METTL8: variants seen among roughly 807,000 people sequenced by gnomAD.
METTL8 encodes methyltransferase 8, tRNA N3-cytidine, also known as tRNA N(3)-cytidine methyltransferase METTL8, mitochondrial.
A neutral mutation model predicts 48.7 loss-of-function variants in METTL8; 32 were observed. The observed-to-expected ratio is 0.66, with a 90% CI of 0.50 to 0.88. The LOEUF is 0.88. Among genes scored for constraint, METTL8 ranks in the 40% least tolerant of loss-of-function variants. The pLI, the probability that METTL8 is intolerant of heterozygous loss-of-function variation, is 0.00. For synonymous variants in METTL8, 136 were observed against 157.1 expected (o/e 0.87, Z 1.01); for missense variants, 464 against 474.4 (o/e 0.98, Z 0.20).
intron 3 of METTL8, among the ~76,000 whole-genome samples, chr2:171,340,797 A>G (rs757887189): frequency 1.3e-5 from 2 of 152,144 alleles, no homozygotes; most frequent in Non-Finnish European, 2.9e-5. Flanking sequence ...CAGTGAATCC[A>G]TGGCCATGTC....
At chr2:171,396,292 T>A (rs576404631) in intron 1 of METTL8, among the ~76,000 whole-genome samples, 9 of 151,878 alleles carry the variant, frequency 5.9e-5, no homozygotes, top group African/African-American at 2.2e-4. Flanking sequence ...AATAAATAAA[T>A]AAAAATAAAT....
chr2:171,369,290 A>G (rs1171705576), intron 2 of METTL8, among the ~76,000 whole-genome samples: 1 of 152,204 alleles, frequency 6.6e-6, no homozygotes, highest in Non-Finnish European at 1.5e-5. Flanking sequence ...TGGGCAAGAG[A>G]GCGAGACTCT....
chr2:171,345,864 A>C lies in METTL8; in HGVS notation c.236-6310T>G, dbSNP rs147004916. Among the ~76,000 whole-genome samples, 954 of 152,306 alleles carry C rather than the reference A, an allele frequency of 6.3e-3. 6 individuals are homozygous for C. Among genetic ancestry groups the C allele is most frequent in the African/African-American group, 0.02 (851 of 41,566 alleles). ...TAAAATATAATTATGTTAACTCAAA[A>C]ATTGCCAAATGTATCTTTCATTTCT... is the stretch of plus-strand genomic sequence containing the variant. On this transcript the variant is annotated intron_variant, in intron 3 of 9. Transcript: ENST00000375258.
chr2:171,401,724 T>C (rs112950360), intron 1 of METTL8, among the ~76,000 whole-genome samples: 66 of 152,304 alleles, frequency 4.3e-4, no homozygotes, highest in African/African-American at 1.6e-3. Context: ...CAGAATGAAA[T>C]TGGTTTTAAC....
At chr2:171,409,841 T>C (rs569534623) in intron 1 of METTL8, among the ~76,000 whole-genome samples, 1 of 152,210 alleles carries the variant, frequency 6.6e-6, no homozygotes, top group South Asian at 2.1e-4. Flanking sequence ...GTGCACCAAC[T>C]ATGGTGTGGG....
chr2:171,363,792 T>TTATATATATATATATATATGTGTATA (rs1685406003), intron 2 of METTL8, among the ~76,000 whole-genome samples: 1 of 97,436 alleles, frequency 1.0e-5, no homozygotes, highest in African/African-American at 4.1e-5. Context: ...TCCCCAAATT[T>TTATATATATATATATATATGTGTATA]TATATATATA....
chr2:171,340,226 G>C (rs1160055943), intron 3 of METTL8, among the ~76,000 whole-genome samples: 1 of 150,104 alleles, frequency 6.7e-6, no homozygotes, highest in East Asian at 2.0e-4. Flanking sequence ...ATGAGGGCTG[G>C]GCACGGTGGC....
intron 1 of METTL8, among the ~76,000 whole-genome samples, chr2:171,417,000 T>G (rs903268971): frequency 6.6e-6 from 1 of 152,244 alleles, no homozygotes; most frequent in Non-Finnish European, 1.5e-5. Context: ...TGCTGAACCC[T>G]ACATCTGAGG....
chr2:171,358,730 C>A (rs894940899), intron 3 of METTL8, among the ~76,000 whole-genome samples: 8 of 152,130 alleles, frequency 5.3e-5, no homozygotes, highest in African/African-American at 1.9e-4. Context: ...GGGGGAAATG[C>A]TCCAGGACAT....
At chr2:171,391,892 T>C (rs1191013859) in intron 2 of METTL8, 151 bp downstream of exon 2, 1 of 690,716 alleles carries the variant, frequency 1.4e-6, no homozygotes, top group Non-Finnish European at 2.3e-6. Flanking sequence ...CAGCAACACT[T>C]AAGTCAGGAT....
At chr2:171,334,106 C>A (rs544464982) in intron 5 of METTL8, among the ~76,000 whole-genome samples, 1 of 138,982 alleles carries the variant, frequency 7.2e-6, no homozygotes, top group Non-Finnish European at 1.6e-5. Flanking sequence ...CAAAACAAAA[C>A]AAAAACCAAA....
chr2:171,397,574 A>AAG (rs887919554), intron 1 of METTL8, among the ~76,000 whole-genome samples: 9 of 148,258 alleles, frequency 6.1e-5, no homozygotes, highest in South Asian at 4.2e-4. Flanking sequence ...AAAAAAAAAA[A>AAG]AGAGAGAGAG....
chr2:171,380,825 A>G (rs1687449659), intron 2 of METTL8, among the ~76,000 whole-genome samples: 1 of 152,254 alleles, frequency 6.6e-6, no homozygotes, highest in African/African-American at 2.4e-5. Context: ...CATACTGCCC[A>G]AAGTAATTTA....
Position 171,394,476 on chromosome 2 carries a change from G to T in METTL8, c.-12-2279C>A, listed in dbSNP as rs897621095. ...GAGACAAAAAGATACAACCAGATTG[G>T]ATTATTAGGCAATTCAGGAAAATGT... On this transcript the variant is annotated intron_variant, in intron 1 of 9. Coordinates refer to ENST00000375258, the MANE Select transcript of METTL8 (RefSeq NM_001321154.2). 2.0e-5 allele frequency among the ~76,000 whole-genome samples: 3 copies of T among 152,250 alleles called. No individual in the cohort carries two copies. In the East Asian group the frequency reaches 5.8e-4, roughly 29 times the overall value.
rs760443907 is a variant in METTL8, at chr2:171,324,108, T to C, written c.*64A>G. ...TTTCTCATTGTCTTTTGAGAAACAA[T>C]AGACTTACAGTAGTCCTTGAATAGC... is the stretch of plus-strand genomic sequence containing the variant. On this transcript the variant is annotated 3_prime_UTR_variant, in exon 10 of 10. Transcript: ENST00000375258. The C allele has an allele frequency of 8.1e-5, 94 of 1,160,234 alleles. No homozygotes were observed. Among genetic ancestry groups the C allele is most frequent in the Non-Finnish European group, 1.1e-4 (91 of 836,978 alleles). The allele number at this position is 1,160,234 out of a possible 1,614,324, so 71.9% of individuals were successfully genotyped here. A position where few individuals can be genotyped will look rare whatever the true frequency, so the allele number is the denominator to read the frequency against.
chr2:171,316,992 C>T lies in METTL8; in HGVS notation c.*7180G>A, dbSNP rs1425274657. ...TTTAGCAGGACTGCCTCAGGAGGAACACAAGTTGCTCTCAGGAGGCAGAAG... is the reference window on the plus strand; with the variant it reads ...TTTAGCAGGACTGCCTCAGGAGGAATACAAGTTGCTCTCAGGAGGCAGAAG... On this transcript the variant is annotated 3_prime_UTR_variant, in exon 10 of 10. Coordinates refer to ENST00000375258, the MANE Select transcript of METTL8 (RefSeq NM_001321154.2). Among the ~76,000 whole-genome samples, 1 of 152,162 alleles carries T rather than the reference C, an allele frequency of 6.6e-6. No homozygotes were observed. The highest frequency in any genetic ancestry group is 1.5e-5 in the Non-Finnish European group (1 of 68,030).
At chr2:171,333,937 G>A (rs548173482) in intron 5 of METTL8, among the ~76,000 whole-genome samples, 3 of 152,198 alleles carry the variant, frequency 2.0e-5, no homozygotes, top group Non-Finnish European at 4.4e-5. Context: ...TTTCCAGAAA[G>A]GTGCCTGATT....
chr2:171,347,489 C>T (rs1575784120), intron 3 of METTL8, among the ~76,000 whole-genome samples: 1 of 152,186 alleles, frequency 6.6e-6, no homozygotes, highest in Non-Finnish European at 1.5e-5. Flanking sequence ...ACTATCAGCA[C>T]TGCTCATCTA....
chr2:171,323,185 G>C lies in METTL8; in HGVS notation c.*987C>G, dbSNP rs941808425. ...CCCTATTCAAGATGAAGTTGCTCTG[G>C]TTCAAAAGCCCTTGATACAAGAGCT... On this transcript the variant is annotated 3_prime_UTR_variant, in exon 10 of 10. Coordinates refer to ENST00000375258, the MANE Select transcript of METTL8 (RefSeq NM_001321154.2). 2.1e-5 allele frequency: 3 copies of C among 144,958 alleles called. No homozygotes were observed. Among genetic ancestry groups the C allele is most frequent in the Non-Finnish European group, 4.5e-5 (3 of 66,718 alleles). 9.0% of individuals were successfully genotyped at this position (144,958 alleles called of 1,614,324 possible). A position where few individuals can be genotyped will look rare whatever the true frequency, so the allele number is the denominator to read the frequency against.
Sources: allele counts gnomAD v4.1 joint callset (sites outside exome capture counted in the v4.1 genomes callset), GRCh38; gene constraint gnomAD v4.1.1; transcripts MANE v1.5; gene names NCBI Gene and HGNC (gene_info 2026-07-23, HGNC 2026-07-21).